Variants in SWAP70 observed in about 807,000 individuals in gnomAD.
SWAP70 encodes the protein switching B cell complex subunit SWAP70.
Under a neutral mutation model 80.2 loss-of-function variants are expected in SWAP70, and 34 were observed. That is an observed-to-expected ratio of 0.42 (90% confidence interval 0.32 to 0.56). SWAP70 has a LOEUF of 0.56. Ranked by LOEUF, SWAP70 falls within the 20% of genes least tolerant of loss-of-function variation. The pLI, the probability that SWAP70 is intolerant of heterozygous loss-of-function variation, is 0.09. For missense variants in SWAP70, 578 were observed against 690.7 expected (o/e 0.84, Z 1.83); for synonymous variants, 239 against 238.5 (o/e 1.00, Z -0.02).
chr11:9,698,759 C>A (rs2572948), intron 2 of SWAP70, among the ~76,000 whole-genome samples: 3 of 151,926 alleles, frequency 2.0e-5, no homozygotes, highest in African/African-American at 7.3e-5. Flanking sequence ...TTACCCTGAT[C>A]GTGCTTTTTT....
intron 2 of SWAP70, among the ~76,000 whole-genome samples, chr11:9,708,175 A>G (rs148263868): frequency 6.6e-6 from 1 of 152,168 alleles, no homozygotes; most frequent in African/African-American, 2.4e-5. Context: ...GGATTGCTAG[A>G]TCATATGGTA....
chr11:9,695,589 A>AG (rs1286624309), intron 2 of SWAP70, among the ~76,000 whole-genome samples: 2 of 120,206 alleles, frequency 1.7e-5, no homozygotes, highest in Non-Finnish European at 3.3e-5. Flanking sequence ...ATGAACACAG[A>AG]GGGGGGAACA....
At chr11:9,731,286 C>T (rs1851295058) in intron 6 of SWAP70, among the ~76,000 whole-genome samples, 1 of 152,066 alleles carries the variant, frequency 6.6e-6, no homozygotes, top group Non-Finnish European at 1.5e-5. Context: ...AGAATGTAGT[C>T]ATTTTTGATG....
In SWAP70 at chr11:9,713,564, A is replaced by G; in HGVS notation, c.339A>G (p.Glu113=). The change falls in exon 3 of 12, where the codon GAA becomes GAG. Residue 113 remains glutamate, a synonymous_variant. Coordinates refer to ENST00000318950, the MANE Select transcript of SWAP70 (RefSeq NM_015055.4). The part of the protein sequence containing the change: ...LTKNPLLITE[E]DAFKIWVIFN... ...AGAATCCCCTGCTCATTACAGAAGA[A>G]GATGCATTTAAAATATGGGTTATTT... is the stretch of plus-strand genomic sequence containing the variant. The G allele has an allele frequency of 6.2e-7, 1 of 1,614,070 alleles. No individual in the cohort carries two copies. The highest frequency in any genetic ancestry group is 8.5e-7 in the Non-Finnish European group (1 of 1,179,960).
At chr11:9,700,723 G>C (rs1850820454) in intron 2 of SWAP70, among the ~76,000 whole-genome samples, 1 of 152,150 alleles carries the variant, frequency 6.6e-6, no homozygotes, top group Non-Finnish European at 1.5e-5. Context: ...TAGGAATTAA[G>C]TTTTTTTCCA....
chr11:9,665,571 A>C (rs1850298343), intron 1 of SWAP70, among the ~76,000 whole-genome samples: 1 of 152,124 alleles, frequency 6.6e-6, no homozygotes, highest in African/African-American at 2.4e-5. Flanking sequence ...GCAACCATTG[A>C]TCTTTCCTAA....
chr11:9,723,379 A>G (rs1425178470), intron 3 of SWAP70, among the ~76,000 whole-genome samples: 2 of 152,262 alleles, frequency 1.3e-5, no homozygotes, highest in East Asian at 3.9e-4. Context: ...TTGTGGATGA[A>G]CTCACATGTT....
At chr11:9,725,547 ATATATATATATATATATATATATTTTT>A (rs1400581808) in intron 4 of SWAP70, among the ~76,000 whole-genome samples, 17 of 10,072 alleles carry the variant, frequency 1.7e-3, no homozygotes, top group Admixed American at 2.5e-3. Flanking sequence ...ATATATATAT[ATATATATATATATATATATATATTTTT>A]TTTTTTTTTT....
chr11:9,684,318 G>A (rs1412813922), intron 1 of SWAP70, among the ~76,000 whole-genome samples: 1 of 152,192 alleles, frequency 6.6e-6, no homozygotes, highest in Non-Finnish European at 1.5e-5. Flanking sequence ...CTGACCTCAA[G>A]TGATCCTCCT....
intron 6 of SWAP70, among the ~76,000 whole-genome samples, chr11:9,729,905 G>T (rs1029138463): frequency 2.0e-5 from 3 of 152,172 alleles, no homozygotes; most frequent in African/African-American, 7.2e-5. Flanking sequence ...AAATTAAGAT[G>T]CGCTCTCAAA....
chr11:9,697,792 G>A (rs2134451870), intron 2 of SWAP70, among the ~76,000 whole-genome samples: 1 of 152,102 alleles, frequency 6.6e-6, no homozygotes, highest in South Asian at 2.1e-4. Flanking sequence ...ATGTTTTTTG[G>A]TTTTTTGAGA....
chr11:9,728,791 T>C (rs1380638171), intron 5 of SWAP70, among the ~76,000 whole-genome samples: 1 of 152,204 alleles, frequency 6.6e-6, no homozygotes, highest in Non-Finnish European at 1.5e-5. Flanking sequence ...TAATGTATTT[T>C]AGTGAATAAT....
At chr11:9,682,655 A>G (rs1182473458) in intron 1 of SWAP70, among the ~76,000 whole-genome samples, 2 of 152,188 alleles carry the variant, frequency 1.3e-5, no homozygotes, top group African/African-American at 4.8e-5. Flanking sequence ...ATTCATAAAC[A>G]CAGAATGTCT....
intron 10 of SWAP70, among the ~76,000 whole-genome samples, chr11:9,748,415 C>G (rs1851539766): frequency 6.6e-6 from 1 of 152,252 alleles, no homozygotes; most frequent in Non-Finnish European, 1.5e-5. Context: ...TCTGGAAGAG[C>G]ATTCTTTGCT....
intron 2 of SWAP70, among the ~76,000 whole-genome samples, chr11:9,697,118 A>C (rs551723614): frequency 2.6e-5 from 4 of 152,034 alleles, no homozygotes; most frequent in African/African-American, 9.6e-5. Context: ...ATACACAACT[A>C]TATGCATGTT....
At chr11:9,701,253 C>G (rs1251021281) in intron 2 of SWAP70, among the ~76,000 whole-genome samples, 11 of 151,628 alleles carry the variant, frequency 7.3e-5, no homozygotes, top group Non-Finnish European at 4.4e-5. Context: ...CTCACTGCAA[C>G]CTCCGCCTTC....
At chr11:9,671,737 TACATAG>T (rs1160615764) in intron 1 of SWAP70, among the ~76,000 whole-genome samples, 30 of 95,126 alleles carry the variant, frequency 3.2e-4, no homozygotes, top group Middle Eastern at 0.014. Context: ...TTTCTATGTA[TACATAG>T]AAATATAAAT....
At chr11:9,668,320 G>A (rs117355766) in intron 1 of SWAP70, among the ~76,000 whole-genome samples, 182 of 152,306 alleles carry the variant, frequency 1.2e-3, no homozygotes, top group South Asian at 1.7e-3. Flanking sequence ...TAGGAAAAGC[G>A]TCTTGGCAGG....
intron 1 of SWAP70, among the ~76,000 whole-genome samples, chr11:9,686,507 C>T (rs1166308720): frequency 1.3e-5 from 2 of 151,850 alleles, no homozygotes; most frequent in African/African-American, 2.4e-5. Context: ...ACCACAGGCT[C>T]ACAGCTAATT....
Sources: allele counts gnomAD v4.1 joint callset (sites outside exome capture counted in the v4.1 genomes callset), GRCh38; gene constraint gnomAD v4.1.1; transcripts MANE v1.5; gene names NCBI Gene and HGNC (gene_info 2026-07-23, HGNC 2026-07-21).